The following SORCS2 variants were observed in gnomAD, a reference collection of about 807,000 sequenced individuals.
SORCS2 encodes VPS10 domain-containing receptor SorCS2.
Under a neutral mutation model 141.6 loss-of-function variants are expected in SORCS2, and 100 were observed. That is an observed-to-expected ratio of 0.71 (90% confidence interval 0.60 to 0.83). SORCS2 has a LOEUF of 0.83. Among genes scored for constraint, SORCS2 ranks in the 40% least tolerant of loss-of-function variants. SORCS2 has a pLI of 0.00. For synonymous variants in SORCS2, 789 were observed against 676.9 expected (o/e 1.17, Z -2.57); for missense variants, 1,646 against 1,560.2 (o/e 1.05, Z -0.93).
rs1432005357 is a variant in SORCS2, at chr4:7,232,475, C to T, written c.480+39349C>T. 2.0e-5 allele frequency among the ~76,000 whole-genome samples: 3 copies of T among 152,186 alleles called. No homozygotes were observed. The East Asian group carries it at 5.8e-4, about 29-fold the overall frequency. On this transcript the variant is annotated intron_variant, in intron 1 of 26. Transcript: ENST00000507866. ...TCATTATGTCACCCCCCACGGCAGC[C>T]CAGGATGGCGGATTTATTCTTTTCA...
chr4:7,203,513 T>C (rs11725508), intron 1 of SORCS2, among the ~76,000 whole-genome samples: 3,645 of 60,594 alleles, frequency 0.06, 30 homozygotes, highest in East Asian at 0.16. Flanking sequence ...AGCAAGACTC[T>C]GCCTCAAAAA....
chr4:7,454,495 G>A (rs1577591175), intron 2 of SORCS2, among the ~76,000 whole-genome samples: 16 of 108,766 alleles, frequency 1.5e-4, no homozygotes, highest in South Asian at 3.9e-4. Flanking sequence ...TTGGGGTCAG[G>A]TGCTGTGTGT....
chr4:7,423,851 T>C (rs897156439), intron 2 of SORCS2, among the ~76,000 whole-genome samples: 2 of 152,184 alleles, frequency 1.3e-5, no homozygotes, highest in African/African-American at 4.8e-5. Context: ...TGATTTGTAA[T>C]GTTGGCCAGT....
chr4:7,643,677 A>G (rs759248363), intron 4 of SORCS2, among the ~76,000 whole-genome samples: 1 of 152,244 alleles, frequency 6.6e-6, no homozygotes, highest in Non-Finnish European at 1.5e-5. Flanking sequence ...CAAGAAAAAG[A>G]AAAACCCTCA....
chr4:7,381,483 C>T (rs904627402), intron 1 of SORCS2, among the ~76,000 whole-genome samples: 1 of 152,224 alleles, frequency 6.6e-6, no homozygotes, highest in Non-Finnish European at 1.5e-5. Context: ...TCCCTCCCTG[C>T]AGGAAGCCCA....
chr4:7,655,288 G>T (rs922962370), intron 5 of SORCS2, among the ~76,000 whole-genome samples: 1 of 151,946 alleles, frequency 6.6e-6, no homozygotes, highest in African/African-American at 2.4e-5. Context: ...GGCCTCCTGC[G>T]CAGGCCACAG....
At chr4:7,729,553 C>T (rs1437271055) in intron 22 of SORCS2, 34 bp from the exon 23 acceptor site, 10 of 1,558,146 alleles carry the variant, frequency 6.4e-6, no homozygotes, top group Non-Finnish European at 6.9e-6. Flanking sequence ...ATGAGGAAGA[C>T]AGGCGGACCA....
intron 1 of SORCS2, among the ~76,000 whole-genome samples, chr4:7,298,287 C>T (rs986857926): frequency 6.6e-6 from 1 of 152,112 alleles, no homozygotes; most frequent in African/African-American, 2.4e-5. Flanking sequence ...GGGCAAGGCA[C>T]CCCAGCAGGG....
intron 2 of SORCS2, among the ~76,000 whole-genome samples, chr4:7,440,420 A>G (rs1251162865): frequency 6.6e-6 from 1 of 152,198 alleles, no homozygotes; most frequent in African/African-American, 2.4e-5. Flanking sequence ...GCTTACCTCC[A>G]ATTTCTGAGG....
At position 7,682,844 on chromosome 4, in the gene SORCS2, GCCAC is replaced by G; in HGVS notation, c.1447_1450del (p.Pro483AlafsTer4). 1 of 1,613,356 alleles carries G rather than the reference GCCAC, an allele frequency of 6.2e-7. No homozygotes were observed. Among genetic ancestry groups the G allele is most frequent in the Non-Finnish European group, 8.5e-7 (1 of 1,179,654 alleles). On this transcript the variant is annotated frameshift_variant, in exon 10 of 27. Transcript: ENST00000507866. LOFTEE classifies it high-confidence loss of function. ...AGGGCCGCGACTGGGATTACCTGAG[GCCAC>G]CCAGCATGGACATGAATGGAAAACC...
intron 11 of SORCS2, among the ~76,000 whole-genome samples, chr4:7,694,476 G>A (rs764405964): frequency 9.9e-5 from 15 of 151,558 alleles, no homozygotes; most frequent in African/African-American, 1.5e-4. Context: ...GACAGAGCAA[G>A]GAAAACAGAT....
chr4:7,265,081 T>C (rs539224230), intron 1 of SORCS2, among the ~76,000 whole-genome samples: 4 of 152,348 alleles, frequency 2.6e-5, no homozygotes, highest in African/African-American at 9.6e-5. Context: ...GCATGGGACT[T>C]CTGCTCCATT....
intron 12 of SORCS2, among the ~76,000 whole-genome samples, chr4:7,698,869 C>T (rs1464243320): frequency 2.0e-5 from 3 of 150,334 alleles, no homozygotes; most frequent in African/African-American, 4.9e-5. Flanking sequence ...TTTTAAGTTT[C>T]TTGGGGTGGG....
At chr4:7,568,885 G>A (rs1043717393) in intron 3 of SORCS2, among the ~76,000 whole-genome samples, 1 of 152,180 alleles carries the variant, frequency 6.6e-6, no homozygotes, top group Non-Finnish European at 1.5e-5. Flanking sequence ...GGCACAAGAT[G>A]TAAACCATTC....
At chr4:7,553,193 C>T (rs571003010) in intron 3 of SORCS2, among the ~76,000 whole-genome samples, 10 of 152,092 alleles carry the variant, frequency 6.6e-5, no homozygotes, top group African/African-American at 2.4e-4. Context: ...TAGTGAGATC[C>T]AGACCAAGTC....
chr4:7,224,267 C>T (rs1728873711), intron 1 of SORCS2, among the ~76,000 whole-genome samples: 1 of 152,244 alleles, frequency 6.6e-6, no homozygotes, highest in African/African-American at 2.4e-5. Context: ...TAATTTTCTC[C>T]TTGAAATCTG....
At chr4:7,419,769 G>A (rs2109185003) in intron 2 of SORCS2, among the ~76,000 whole-genome samples, 1 of 152,336 alleles carries the variant, frequency 6.6e-6, no homozygotes, top group Middle Eastern at 3.4e-3. Flanking sequence ...GGGTCTGCAG[G>A]ACAGTGTAGA....
intron 1 of SORCS2, among the ~76,000 whole-genome samples, chr4:7,285,897 C>G (rs1263572863): frequency 6.6e-6 from 1 of 152,170 alleles, no homozygotes; most frequent in East Asian, 1.9e-4. Context: ...TCGGTGCAGC[C>G]CTGATTTAGG....
chr4:7,453,634 G>A (rs1477090702), intron 2 of SORCS2, among the ~76,000 whole-genome samples: 2 of 130,060 alleles, frequency 1.5e-5, no homozygotes, highest in African/African-American at 6.2e-5. Flanking sequence ...TGCTGTGTTG[G>A]GGTCAGGCAC....
Sources: allele counts gnomAD v4.1 joint callset (sites outside exome capture counted in the v4.1 genomes callset), GRCh38; gene constraint gnomAD v4.1.1; transcripts MANE v1.5; gene names NCBI Gene and HGNC (gene_info 2026-07-23, HGNC 2026-07-21).